HOXA3: variants seen among roughly 807,000 people sequenced by gnomAD.
The protein encoded by HOXA3 is homeobox A3.
A neutral mutation model predicts 30.3 loss-of-function variants in HOXA3; 8 were observed. The ratio of observed to expected loss-of-function variants is 0.26; its 90% CI spans 0.15 to 0.48. The LOEUF is 0.48. Ranked by LOEUF, HOXA3 falls within the 20% of genes least tolerant of loss-of-function variation. The pLI, the probability that HOXA3 is intolerant of heterozygous loss-of-function variation, is 0.99. For missense variants in HOXA3, 653 were observed against 614.4 expected, an observed-to-expected ratio of 1.06 and a Z score of -0.66; for synonymous variants, 323 against 273.1, an observed-to-expected ratio of 1.18 and a Z score of -1.80.
rs1452968280 is a variant in HOXA3, at chr7:27,152,208, C to T, written c.-494+80G>A. ...GGAGTATGCCCCTCTTAAAGCCTCCCTGGGTGCCCTCTCCCACCGCTACCG... is the reference window on the plus strand; with the variant it reads ...GGAGTATGCCCCTCTTAAAGCCTCCTTGGGTGCCCTCTCCCACCGCTACCG... On this transcript the variant is annotated intron_variant, in intron 1 of 5. Coordinates refer to ENST00000612286, the MANE Select transcript of HOXA3 (RefSeq NM_153631.3). The T allele has an allele frequency of 4.2e-5, 36 of 867,464 alleles. 1 individual carries two copies. In the South Asian group the frequency reaches 5.7e-4, roughly 14 times the overall value. The allele number at this position is 867,464 out of a possible 1,614,324, so 53.7% of individuals were successfully genotyped here.
intron 2 of HOXA3, chr7:27,134,309 G>A (rs1278670750): frequency 6.6e-6 from 1 of 152,222 alleles, no homozygotes; most frequent in African/African-American, 2.4e-5. Context: ...CAGGGATGAG[G>A]ACTGATATTC....
chr7:27,149,333 A>G (rs1782889027), intron 1 of HOXA3, among the ~76,000 whole-genome samples: 1 of 152,226 alleles, frequency 6.6e-6, no homozygotes, highest in African/African-American at 2.4e-5. Context: ...ATTTCTGGAG[A>G]CTGTTTACAA....
intron 2 of HOXA3, among the ~76,000 whole-genome samples, chr7:27,137,050 G>A (rs1003883466): frequency 1.3e-5 from 2 of 152,206 alleles, no homozygotes; most frequent in African/African-American, 4.8e-5. Flanking sequence ...AGCCAAGGCA[G>A]GGGGGAGGCT....
chr7:27,134,551 G>A (rs184271104), intron 2 of HOXA3, among the ~76,000 whole-genome samples: 24 of 152,332 alleles, frequency 1.6e-4, no homozygotes, highest in Non-Finnish European at 3.2e-4. Flanking sequence ...AAAGAGACAC[G>A]TAATTGTCTT....
At chr7:27,145,944 G>A (rs1396144277) in intron 1 of HOXA3, 2 of 1,601,764 alleles carry the variant, frequency 1.2e-6, no homozygotes, top group Non-Finnish European at 1.7e-6. Context: ...CCGGGCGCCG[G>A]TAAGCCAGGG....
intron 3 of HOXA3, among the ~76,000 whole-genome samples, chr7:27,124,779 G>C (rs1785206833): frequency 6.6e-6 from 1 of 152,130 alleles, no homozygotes; most frequent in Non-Finnish European, 1.5e-5. Flanking sequence ...TGCAACCAGG[G>C]TCCTTTTTTT....
Position 27,108,032 on chromosome 7 carries a change from G to T in HOXA3, c.1215C>A (p.Gly405=). Residue 405 remains glycine, a synonymous_variant, in exon 6 of 6, where the codon GGC becomes GGA. Coordinates refer to ENST00000612286, the MANE Select transcript of HOXA3 (RefSeq NM_153631.3). This position sits in a 1 kb window ranked among gnomAD's most constrained non-coding sequence, Gnocchi z 5.0. ...GCCCCGGCCCGTGGTGGTGGCCGCTGCCCAGCGGCCCGGCACCCCCATAGT... is the reference window on the plus strand; with the variant it reads ...GCCCCGGCCCGTGGTGGTGGCCGCTTCCCAGCGGCCCGGCACCCCCATAGT... ...AMDYGGAGPL[G]SGHHHGPGPG... is the part of the protein sequence containing the mutation. 6.2e-7 allele frequency: 1 copy of T among 1,612,818 alleles called. No individual in the cohort carries two copies. The highest frequency in any genetic ancestry group is 8.5e-7 in the Non-Finnish European group (1 of 1,179,260).
chr7:27,143,624 G>A (rs755875889), intron 1 of HOXA3: 6 of 1,575,486 alleles, frequency 3.8e-6, no homozygotes, highest in Non-Finnish European at 4.3e-6. Context: ...TTTGATATGT[G>A]TGCTTGATTT....
chr7:27,134,741 C>T (rs897440674), intron 2 of HOXA3, among the ~76,000 whole-genome samples: 6 of 152,208 alleles, frequency 3.9e-5, no homozygotes, highest in Admixed American at 3.3e-4. Flanking sequence ...CAGAAGCACC[C>T]TGATTACTTC....
intron 1 of HOXA3, among the ~76,000 whole-genome samples, chr7:27,149,577 G>A (rs1470730795): frequency 6.6e-6 from 1 of 152,228 alleles, no homozygotes; most frequent in Non-Finnish European, 1.5e-5. Flanking sequence ...GCCCGGCAAC[G>A]GGGGCTACCC....
At chr7:27,147,281 C>T in intron 1 of HOXA3, 1 of 1,584,614 alleles carries the variant, frequency 6.3e-7, no homozygotes. Flanking sequence ...TTCCCCTCTC[C>T]CTCCACTGTC....
chr7:27,139,340 C>A (rs953633593), intron 2 of HOXA3, among the ~76,000 whole-genome samples: 2 of 152,286 alleles, frequency 1.3e-5, no homozygotes, highest in African/African-American at 4.8e-5. Flanking sequence ...AACACCCCCC[C>A]ACACCAGGGT....
intron 1 of HOXA3, chr7:27,145,679 T>G: frequency 6.2e-7 from 1 of 1,613,994 alleles, no homozygotes; most frequent in Non-Finnish European, 8.5e-7. Flanking sequence ...CCTTTGCCTC[T>G]GAGTCCTCCC....
At chr7:27,130,626 C>T (rs1785510847) in intron 2 of HOXA3, 3 of 1,570,118 alleles carry the variant, frequency 1.9e-6, no homozygotes, top group African/African-American at 2.7e-5. Context: ...GGCCCCCGCC[C>T]GGGCCGCCGT....
chr7:27,112,748 T>G (rs577422201), intron 4 of HOXA3, among the ~76,000 whole-genome samples: 1 of 151,894 alleles, frequency 6.6e-6, no homozygotes, highest in Non-Finnish European at 1.5e-5. Context: ...GTTAAGAAAA[T>G]TAGACACTCG....
chr7:27,149,226 C>G (rs1782886594), intron 1 of HOXA3, among the ~76,000 whole-genome samples: 2 of 152,258 alleles, frequency 1.3e-5, no homozygotes, highest in African/African-American at 4.8e-5. Context: ...GGCATTTTTA[C>G]AACTGTGTTT....
At chr7:27,112,540 T>C (rs1784436145) in intron 4 of HOXA3, among the ~76,000 whole-genome samples, 1 of 152,214 alleles carries the variant, frequency 6.6e-6, no homozygotes, top group African/African-American at 2.4e-5. Context: ...GAGCATTGTT[T>C]CTCTTTTGGA....
intron 1 of HOXA3, 128 bp downstream of exon 1, chr7:27,152,160 G>T: frequency 2.7e-6 from 1 of 370,356 alleles, no homozygotes; most frequent in Non-Finnish European, 4.9e-6. Flanking sequence ...GGGCAAGTGT[G>T]AATGGGTGAG....
At chr7:27,144,726 T>C (rs1352010352) in intron 1 of HOXA3, among the ~76,000 whole-genome samples, 1 of 152,212 alleles carries the variant, frequency 6.6e-6, no homozygotes, top group East Asian at 1.9e-4. Context: ...TGGCAGTGCC[T>C]AGTATCTCTG....
Sources: allele counts gnomAD v4.1 joint callset (sites outside exome capture counted in the v4.1 genomes callset), GRCh38; gene constraint gnomAD v4.1.1; non-coding constraint Gnocchi (gnomAD v3.1); transcripts MANE v1.5; gene names NCBI Gene and HGNC (gene_info 2026-07-23, HGNC 2026-07-21).